MAN2A1: variants seen among roughly 807,000 people sequenced by gnomAD.
MAN2A1 encodes the protein mannosidase alpha class 2A member 1, also known as alpha-mannosidase 2.
Under a neutral mutation model 142.6 loss-of-function variants are expected in MAN2A1, and 76 were observed. The ratio of observed to expected loss-of-function variants is 0.53; its 90% confidence interval spans 0.44 to 0.65. The LOEUF (loss-of-function observed/expected upper bound fraction) is 0.65. Among genes scored for constraint, MAN2A1 ranks in the 30% least tolerant of loss-of-function variants. The pLI, the probability that MAN2A1 is intolerant of heterozygous loss-of-function variation, is 0.00. For missense variants in MAN2A1, 1,311 were observed against 1,365.1 expected, an observed-to-expected ratio of 0.96 and a Z score of 0.62; for synonymous variants, 559 against 473.2, an observed-to-expected ratio of 1.18 and a Z score of -2.35.
chr5:109,708,733 C>T (rs1450037809), intron 1 of MAN2A1, among the ~76,000 whole-genome samples: 1 of 152,110 alleles, frequency 6.6e-6, no homozygotes, highest in Non-Finnish European at 1.5e-5. Context: ...GGTGCAAGAG[C>T]CCAGGGACCA....
chr5:109,725,383 G>A (rs1229832103), intron 3 of MAN2A1, among the ~76,000 whole-genome samples: 2 of 152,084 alleles, frequency 1.3e-5, no homozygotes, highest in South Asian at 2.1e-4. Flanking sequence ...TGATTGAAGC[G>A]GTCCTGGTGC....
chr5:109,865,206 A>G (rs1286195951), intron 21 of MAN2A1, 60 bp downstream of exon 21: 9 of 1,174,476 alleles, frequency 7.7e-6, no homozygotes, highest in Admixed American at 1.8e-5. Flanking sequence ...TCTTTCTGCA[A>G]AGGATCTTGA....
intron 5 of MAN2A1, among the ~76,000 whole-genome samples, chr5:109,759,898 A>G (rs1582868525): frequency 6.6e-6 from 1 of 151,732 alleles, no homozygotes; most frequent in Admixed American, 6.6e-5. Flanking sequence ...GGTATACCCT[A>G]TTTTCAAGTT....
intron 12 of MAN2A1, 152 bp downstream of exon 12, chr5:109,789,679 T>A: frequency 3.5e-6 from 2 of 576,072 alleles, no homozygotes; most frequent in Non-Finnish European, 3.1e-6. Flanking sequence ...ATGACTGTGT[T>A]ATGCTCAGTG....
At chr5:109,782,580 C>A (rs555713170) in intron 9 of MAN2A1, among the ~76,000 whole-genome samples, 1 of 152,174 alleles carries the variant, frequency 6.6e-6, no homozygotes, top group East Asian at 1.9e-4. Flanking sequence ...ATTGTACTTA[C>A]CGTCTTTTAT....
chr5:109,781,349 A>G, intron 8 of MAN2A1, 47 bp from the exon 9 acceptor site: 2 of 1,143,860 alleles, frequency 1.7e-6, no homozygotes. Context: ...AGAAGTAAAT[A>G]ATTTTAAGAT....
chr5:109,815,252 T>C (rs1054766720), intron 12 of MAN2A1, among the ~76,000 whole-genome samples: 3 of 152,174 alleles, frequency 2.0e-5, no homozygotes, highest in African/African-American at 7.2e-5. Flanking sequence ...GTAGGAGGGC[T>C]GTGGGAGGCT....
intron 19 of MAN2A1, among the ~76,000 whole-genome samples, chr5:109,852,944 A>T (rs1755520328): frequency 6.6e-6 from 1 of 152,066 alleles, no homozygotes. Flanking sequence ...AGACTTTGCC[A>T]CTCCAACCTG....
intron 2 of MAN2A1, 70 bp downstream of exon 2, chr5:109,713,844 G>A (rs1043848934): frequency 8.1e-5 from 117 of 1,435,628 alleles, no homozygotes; most frequent in Non-Finnish European, 5.6e-5. Flanking sequence ...TTGACCTGAT[G>A]TCTGTTCTGA....
intron 4 of MAN2A1, among the ~76,000 whole-genome samples, chr5:109,733,805 A>T (rs1435040155): frequency 6.6e-6 from 1 of 152,102 alleles, no homozygotes; most frequent in Non-Finnish European, 1.5e-5. Flanking sequence ...TTCATCAAGG[A>T]TATTGGTCTA....
intron 20 of MAN2A1, among the ~76,000 whole-genome samples, chr5:109,857,164 G>A (rs1023399393): frequency 3.3e-5 from 5 of 152,282 alleles, no homozygotes; most frequent in Admixed American, 1.3e-4. Context: ...CCCTGAGGCC[G>A]GAGAGATATG....
At chr5:109,770,896 A>G (rs1321198233) in intron 7 of MAN2A1, among the ~76,000 whole-genome samples, 1 of 152,200 alleles carries the variant, frequency 6.6e-6, no homozygotes, top group Non-Finnish European at 1.5e-5. Context: ...ATTGGTAAGA[A>G]AAGCAATTCA....
intron 8 of MAN2A1, among the ~76,000 whole-genome samples, chr5:109,780,250 C>T (rs1284185892): frequency 1.3e-5 from 2 of 151,696 alleles, no homozygotes; most frequent in Non-Finnish European, 2.9e-5. Flanking sequence ...TTAGTAGAGA[C>T]GGGGTTTACT....
intron 8 of MAN2A1, among the ~76,000 whole-genome samples, chr5:109,778,280 G>A (rs1300292158): frequency 6.6e-6 from 1 of 151,954 alleles, no homozygotes; most frequent in Non-Finnish European, 1.5e-5. Context: ...TTAGTTATTT[G>A]TGGATTCTTT....
chr5:109,857,515 C>G (rs962130378), intron 20 of MAN2A1, among the ~76,000 whole-genome samples: 1 of 152,140 alleles, frequency 6.6e-6, no homozygotes, highest in Non-Finnish European at 1.5e-5. Context: ...GTCACCATCC[C>G]TTAGCCTCAC....
chr5:109,841,557 G>A (rs983978126), intron 16 of MAN2A1, among the ~76,000 whole-genome samples: 2 of 152,082 alleles, frequency 1.3e-5, no homozygotes, highest in East Asian at 1.9e-4. Context: ...TTGACCCAAG[G>A]CCTCACTGAG....
intron 12 of MAN2A1, among the ~76,000 whole-genome samples, chr5:109,801,534 A>G (rs1467140756): frequency 6.6e-6 from 1 of 152,130 alleles, no homozygotes; most frequent in East Asian, 1.9e-4. Context: ...TCTATCAATA[A>G]AGGAGAAAGA....
chr5:109,788,622 G>A (rs1401765747), intron 10 of MAN2A1, among the ~76,000 whole-genome samples: 1 of 151,764 alleles, frequency 6.6e-6, no homozygotes, highest in Non-Finnish European at 1.5e-5. Flanking sequence ...ATGCTTCAAA[G>A]TTATTGGGGT....
At chr5:109,854,051 TC>T (rs1300956160) in intron 19 of MAN2A1, 6 of 152,164 alleles carry the variant, frequency 3.9e-5, no homozygotes, top group Non-Finnish European at 8.8e-5. Context: ...AAGCTGTATA[TC>T]TCTATAAATC....
Sources: gnomAD v4.1 joint callset for allele counts (sites outside exome capture counted in the v4.1 genomes callset) on GRCh38, gnomAD v4.1.1 for gene constraint, MANE v1.5 for transcripts, NCBI Gene and HGNC (gene_info 2026-07-23, HGNC 2026-07-21) for gene names.